The following PCDHGA3 variants were observed in gnomAD, a reference collection of about 807,000 sequenced individuals.
PCDHGA3 encodes the protein protocadherin gamma subfamily A, 3.
Under a neutral mutation model 58.5 loss-of-function variants are expected in PCDHGA3, and 40 were observed. The ratio of observed to expected loss-of-function variants is 0.68; its 90% CI spans 0.53 to 0.89. PCDHGA3 has a LOEUF of 0.89. Ranked by LOEUF, PCDHGA3 falls within the 40% of genes least tolerant of loss-of-function variation. The pLI is 0.00. For missense variants in PCDHGA3, 1,223 were observed against 1,195.9 expected (o/e 1.02, Z -0.33); for synonymous variants, 530 against 525.7 (o/e 1.01, Z -0.11).
chr5:141,494,434 T>A (rs976526647), intron 1 of PCDHGA3, among the ~76,000 whole-genome samples: 2 of 152,166 alleles, frequency 1.3e-5, no homozygotes, highest in Middle Eastern at 3.2e-3. Flanking sequence ...AAAAGCCTCC[T>A]TTGCCACTTT....
intron 1 of PCDHGA3, chr5:141,385,109 C>A: frequency 6.2e-7 from 1 of 1,614,174 alleles, no homozygotes; most frequent in South Asian, 1.1e-5. Flanking sequence ...AACGTGCCCA[C>A]CTCGCACTTT....
At chr5:141,409,571 T>A in intron 1 of PCDHGA3, 2 of 1,613,932 alleles carry the variant, frequency 1.2e-6, no homozygotes, top group Non-Finnish European at 1.7e-6. Context: ...CCAGACGTCC[T>A]ACGTGGTCCA....
Position 141,350,783 on chromosome 5 carries a change from TTC to T in PCDHGA3, c.2424+4332_2424+4333del, listed in dbSNP as rs201293239. On this transcript the variant is annotated intron_variant, in intron 1 of 3. Transcript: ENST00000253812. ...ATACACCATCAACCCCAATCAATAC[TTC>T]TCTCTGTCAACGAAGGAAAGTCCTG... 2.1e-4 allele frequency: 345 copies of T among 1,613,962 alleles called. 2 individuals carry two copies. The East Asian group carries it at 4.8e-3, about 23-fold the overall frequency.
intron 1 of PCDHGA3, chr5:141,370,244 A>G: frequency 1.6e-6 from 1 of 633,826 alleles, no homozygotes; most frequent in Non-Finnish European, 2.6e-6. Context: ...AGAAAAGTGC[A>G]CTCTCTATCA....
chr5:141,398,587 C>T, intron 1 of PCDHGA3: 5 of 1,613,860 alleles, frequency 3.1e-6, no homozygotes, highest in Non-Finnish European at 3.4e-6. Context: ...AAGATTTATA[C>T]TAGAAGTAGC....
chr5:141,387,704 GC>G (rs1273015763), intron 1 of PCDHGA3: 1 of 969,516 alleles, frequency 1.0e-6, no homozygotes, highest in African/African-American at 1.6e-5. Flanking sequence ...TTCCAGGGCA[GC>G]CCCAGCTCAG....
intron 1 of PCDHGA3, chr5:141,374,782 A>C (rs781674966): frequency 5.6e-6 from 9 of 1,613,904 alleles, no homozygotes; most frequent in Non-Finnish European, 7.6e-6. Flanking sequence ...TAACAGTTCT[A>C]GATGTGAATG....
chr5:141,510,400 TA>T (rs780031896), intron 3 of PCDHGA3, among the ~76,000 whole-genome samples: 12 of 151,920 alleles, frequency 7.9e-5, no homozygotes, highest in Non-Finnish European at 1.3e-4. Flanking sequence ...TGGCAAAGGC[TA>T]GGGGCATGTA....
chr5:141,459,529 G>A (rs1201996126), intron 1 of PCDHGA3, among the ~76,000 whole-genome samples: 2 of 152,134 alleles, frequency 1.3e-5, no homozygotes, highest in African/African-American at 2.4e-5. Context: ...ATTTTTGTAG[G>A]CATATTTTTT....
Position 141,491,834 on chromosome 5 carries a change from CG to C in PCDHGA3, c.2425-2970del. On this transcript the variant is annotated intron_variant, in intron 1 of 3. Transcript: ENST00000253812. This position sits in a 1 kb window ranked among gnomAD's most constrained non-coding sequence, Gnocchi z 6.9. ...CGCTGGCTGCGCTCCACCCGATTCT[CG>C]GGATCATTGGACCGTTTGCGCGAAA... 1 of 1,473,830 alleles carries C rather than the reference CG, an allele frequency of 6.8e-7. No homozygotes were observed. Among genetic ancestry groups the C allele is most frequent in the Middle Eastern group, 1.8e-4 (1 of 5,590 alleles). The allele number at this position is 1,473,830 out of a possible 1,614,324, so 91.3% of individuals were successfully genotyped here.
intron 1 of PCDHGA3, chr5:141,352,206 C>A: frequency 6.8e-6 from 11 of 1,614,052 alleles, no homozygotes; most frequent in Non-Finnish European, 9.3e-6. Context: ...GGACAGCCGC[C>A]ACTCTCCGCC....
chr5:141,352,246 T>C (rs1561502779), intron 1 of PCDHGA3: 3 of 1,614,080 alleles, frequency 1.9e-6, no homozygotes, highest in Non-Finnish European at 2.5e-6. Flanking sequence ...TCTTCGCGGA[T>C]AGCCTGCAAG....
chr5:141,365,732 G>C (rs780327572), intron 1 of PCDHGA3: 1 of 1,613,694 alleles, frequency 6.2e-7, no homozygotes, highest in Non-Finnish European at 8.5e-7. Flanking sequence ...CAATCCCAGA[G>C]GTGTCTCTAT....
Position 141,360,292 on chromosome 5 carries a change from G to A in PCDHGA3, c.2424+13835G>A, listed in dbSNP as rs575305955. On this transcript the variant is annotated intron_variant, in intron 1 of 3. Coordinates refer to ENST00000253812, the MANE Select transcript of PCDHGA3 (RefSeq NM_018916.4). ...CTCGGTCGTAGGAAACCTCGCCAAG[G>A]ATCTGGGGCTCAGCGTCCGGGACTT... 1.9e-6 allele frequency: 3 copies of A among 1,613,988 alleles called. No individual in the cohort carries two copies. In the East Asian group the frequency reaches 6.7e-5, roughly 36 times the overall value.
At chr5:141,357,763 C>A in intron 1 of PCDHGA3, 1 of 1,007,524 alleles carries the variant, frequency 9.9e-7, no homozygotes, top group Non-Finnish European at 1.4e-6. Context: ...GGTGGATGAC[C>A]TTCCAATAAT....
At chr5:141,360,101 C>G in intron 1 of PCDHGA3, 1 of 1,533,062 alleles carries the variant, frequency 6.5e-7, no homozygotes, top group East Asian at 2.4e-5. Context: ...AAGGCTTATT[C>G]CTCCTATGGG....
intron 1 of PCDHGA3, chr5:141,423,165 C>G: frequency 6.2e-7 from 1 of 1,613,434 alleles, no homozygotes; most frequent in Non-Finnish European, 8.5e-7. Context: ...TCGTGGTGGC[C>G]GTCCAGGACC....
rs755936344 is a variant in PCDHGA3, at chr5:141,490,704, C to T, written c.2425-4103C>T. ...ATCCAGACACTGGGGATAATGCCCG[C>T]CTCACCTACTCCATTGTAGGAAATC... On this transcript the variant is annotated intron_variant, in intron 1 of 3. Transcript: ENST00000253812. The surrounding 1 kb of genome is among the most constrained non-coding windows in gnomAD (Gnocchi z 5.4). 6.2e-7 allele frequency: 1 copy of T among 1,614,166 alleles called. No homozygotes were observed.
In PCDHGA3 at chr5:141,477,850, G is replaced by C. The variant is rs2099420608; in HGVS notation, c.2425-16957G>C. On this transcript the variant is annotated intron_variant, in intron 1 of 3. Coordinates refer to ENST00000253812, the MANE Select transcript of PCDHGA3 (RefSeq NM_018916.4). The surrounding 1 kb of genome is among the most constrained non-coding windows in gnomAD (Gnocchi z 4.9). Reference sequence around the variant, plus strand: ...CTCGGCCAGGTGGGAGCTCGGTGGAGATGCTGCCTCGAGGTACCTCAGCTG... The same window carrying C: ...CTCGGCCAGGTGGGAGCTCGGTGGACATGCTGCCTCGAGGTACCTCAGCTG... 6.2e-6 allele frequency: 10 copies of C among 1,613,328 alleles called. No individual in the cohort carries two copies. Among genetic ancestry groups the C allele is most frequent in the Non-Finnish European group, 7.6e-6 (9 of 1,179,812 alleles).
Sources: allele counts gnomAD v4.1 joint callset (sites outside exome capture counted in the v4.1 genomes callset), GRCh38; gene constraint gnomAD v4.1.1; non-coding constraint Gnocchi (gnomAD v3.1); transcripts MANE v1.5; gene names NCBI Gene and HGNC (gene_info 2026-07-23, HGNC 2026-07-21).